The following SND1 variants were observed in gnomAD, a reference collection of about 807,000 sequenced individuals.
SND1 encodes the protein staphylococcal nuclease and tudor domain containing 1.
A neutral mutation model predicts 121.7 loss-of-function variants in SND1; 38 were observed. The observed-to-expected ratio is 0.31, with a 90% CI of 0.24 to 0.41. The LOEUF is 0.41. Ranked by LOEUF, SND1 falls within the 10% of genes least tolerant of loss-of-function variation. The pLI is 1.00. For synonymous variants in SND1, 401 were observed against 447.4 expected (o/e 0.90, Z 1.31); for missense variants, 868 against 1,184.6 (o/e 0.73, Z 3.92).
At chr7:127,673,791 C>G (rs1795567141) in intron 1 of SND1, among the ~76,000 whole-genome samples, 1 of 151,794 alleles carries the variant, frequency 6.6e-6, no homozygotes, top group African/African-American at 2.4e-5. Flanking sequence ...TAAAGTTGTC[C>G]CAGTTTTGGC....
chr7:127,718,521 T>A (rs553630935), intron 9 of SND1: 13 of 978,148 alleles, frequency 1.3e-5, no homozygotes, highest in Non-Finnish European at 1.6e-5. Flanking sequence ...CTTCCTATCT[T>A]CACCAGCAAG....
chr7:127,687,845 C>G (rs934187682), intron 2 of SND1, among the ~76,000 whole-genome samples: 6 of 152,090 alleles, frequency 3.9e-5, no homozygotes, highest in African/African-American at 1.2e-4. Context: ...GCTATCATAC[C>G]TGGCTAATTT....
At chr7:128,061,727 C>T (rs1793233927) in intron 16 of SND1, among the ~76,000 whole-genome samples, 1 of 152,252 alleles carries the variant, frequency 6.6e-6, no homozygotes, top group South Asian at 2.1e-4. Flanking sequence ...CCAGGCTGAT[C>T]CAGCCTCTGA....
chr7:127,808,025 A>G (rs1798267197), intron 11 of SND1, among the ~76,000 whole-genome samples: 2 of 151,944 alleles, frequency 1.3e-5, no homozygotes, highest in South Asian at 2.1e-4. Flanking sequence ...GCCTATTGTA[A>G]TGCACTGTGG....
intron 1 of SND1, among the ~76,000 whole-genome samples, chr7:127,659,146 C>T (rs1795265148): frequency 6.6e-6 from 1 of 152,202 alleles, no homozygotes; most frequent in Non-Finnish European, 1.5e-5. Context: ...GAATACACAA[C>T]CCGGTTTCTG....
intron 8 of SND1, among the ~76,000 whole-genome samples, chr7:127,705,256 A>G (rs1312435580): frequency 6.6e-6 from 1 of 152,192 alleles, no homozygotes; most frequent in African/African-American, 2.4e-5. Flanking sequence ...TTTGGAATGT[A>G]ATAAACTTGA....
At chr7:127,969,292 T>C (rs890212902) in intron 15 of SND1, among the ~76,000 whole-genome samples, 2 of 152,188 alleles carry the variant, frequency 1.3e-5, no homozygotes, top group African/African-American at 2.4e-5. Context: ...CAGAACCAGC[T>C]AGCCCGCTTT....
chr7:128,044,502 T>C (rs1349015907), intron 16 of SND1, among the ~76,000 whole-genome samples: 2 of 152,320 alleles, frequency 1.3e-5, no homozygotes, highest in African/African-American at 4.8e-5. Context: ...TACAACACAC[T>C]TATTTTGAAA....
intron 16 of SND1, among the ~76,000 whole-genome samples, chr7:128,041,226 G>A (rs1390520197): frequency 1.3e-5 from 2 of 152,082 alleles, no homozygotes; most frequent in African/African-American, 4.8e-5. Context: ...CTTAAGCCCA[G>A]GAGTTTGAGA....
intron 16 of SND1, among the ~76,000 whole-genome samples, chr7:127,996,477 A>G (rs1347944632): frequency 6.6e-6 from 1 of 152,014 alleles, no homozygotes; most frequent in Non-Finnish European, 1.5e-5. Context: ...TTCCCATTCC[A>G]TCTCTCTGCG....
chr7:128,049,738 A>G (rs1267584655), intron 16 of SND1, among the ~76,000 whole-genome samples: 3 of 152,186 alleles, frequency 2.0e-5, no homozygotes, highest in Non-Finnish European at 4.4e-5. Context: ...GTCCTCATCC[A>G]TAAAATGGGG....
At chr7:127,714,327 T>G (rs1796348982) in intron 9 of SND1, among the ~76,000 whole-genome samples, 1 of 152,198 alleles carries the variant, frequency 6.6e-6, no homozygotes, top group Non-Finnish European at 1.5e-5. Flanking sequence ...AGTCCAGTTT[T>G]GGAGATCAGG....
intron 10 of SND1, among the ~76,000 whole-genome samples, chr7:127,771,655 C>T (rs1797514859): frequency 6.6e-6 from 1 of 151,964 alleles, no homozygotes; most frequent in Non-Finnish European, 1.5e-5. Flanking sequence ...CACATACATA[C>T]ACATAGCTTA....
chr7:127,860,435 A>G (rs1443745516), intron 12 of SND1, among the ~76,000 whole-genome samples: 1 of 152,238 alleles, frequency 6.6e-6, no homozygotes, highest in Non-Finnish European at 1.5e-5. Flanking sequence ...CTTGTTCTTC[A>G]TTAATGTAAT....
chr7:127,813,698 A>T (rs1178088596), intron 11 of SND1, among the ~76,000 whole-genome samples: 2 of 151,998 alleles, frequency 1.3e-5, no homozygotes, highest in South Asian at 2.1e-4. Flanking sequence ...AGTAGCTGGG[A>T]TTATGGGCAC....
At chr7:127,984,452 A>T (rs761265501) in intron 15 of SND1, among the ~76,000 whole-genome samples, 25 of 152,202 alleles carry the variant, frequency 1.6e-4, no homozygotes, top group South Asian at 1.2e-3. Context: ...TGGTATTTGC[A>T]TAAAACACCT....
intron 11 of SND1, among the ~76,000 whole-genome samples, chr7:127,824,073 G>A (rs528046902): frequency 1.2e-4 from 19 of 152,202 alleles, no homozygotes; most frequent in African/African-American, 4.1e-4. Flanking sequence ...AAAAATGTAG[G>A]CAAACTTTTT....
intron 10 of SND1, among the ~76,000 whole-genome samples, chr7:127,724,044 A>C (rs776499074): frequency 6.6e-6 from 1 of 152,222 alleles, no homozygotes; most frequent in Non-Finnish European, 1.5e-5. Flanking sequence ...TGGATAGCAC[A>C]GCTTTAGAAA....
In SND1 at chr7:127,717,800, C is replaced by T. The variant is rs567594657; in HGVS notation, c.1039-3487C>T. Among the ~76,000 whole-genome samples the T allele has an allele frequency of 1.6e-3, 239 of 152,258 alleles. 2 individuals carry two copies. Among genetic ancestry groups the T allele is most frequent in the Middle Eastern group, 3.4e-3 (1 of 294 alleles). ...GCATTGGGGCTATTGGTGGTTATGT[C>T]CACAGCTCAGGAAGCTGTTGAACAA... On this transcript the variant is annotated intron_variant, in intron 9 of 23. Coordinates refer to ENST00000354725, the MANE Select transcript of SND1 (RefSeq NM_014390.4).
Sources: gnomAD v4.1 joint callset for allele counts (sites outside exome capture counted in the v4.1 genomes callset) on GRCh38, gnomAD v4.1.1 for gene constraint, MANE v1.5 for transcripts, NCBI Gene and HGNC (gene_info 2026-07-23, HGNC 2026-07-21) for gene names.